The following CHEK2 variants were observed in gnomAD, a reference collection of about 807,000 sequenced individuals.
CHEK2 encodes checkpoint kinase 2, also known as serine/threonine-protein kinase Chk2.
A neutral mutation model predicts 69.1 loss-of-function variants in CHEK2; 71 were observed. The ratio of observed to expected loss-of-function variants is 1.03; its 90% confidence interval spans 0.85 to 1.25. The LOEUF is 1.25. Ranked by LOEUF, CHEK2 falls within the 50% of genes most tolerant of loss-of-function variation. CHEK2 has a pLI of 0.00. For synonymous variants in CHEK2, 189 were observed against 226.9 expected (o/e 0.83, Z 1.50); for missense variants, 664 against 649.6 (o/e 1.02, Z -0.24).
intron 2 of CHEK2, among the ~76,000 whole-genome samples, chr22:28,726,071 G>A (rs1208354959): frequency 6.6e-6 from 1 of 152,046 alleles, no homozygotes; most frequent in Admixed American, 6.6e-5. Context: ...GGGCGTGGTG[G>A]CGGGTGCCTG....
chr22:28,716,404 C>G (rs2053589696), intron 5 of CHEK2, among the ~76,000 whole-genome samples: 1 of 151,914 alleles, frequency 6.6e-6, no homozygotes, highest in Admixed American at 6.6e-5. Context: ...ACCATGTTGG[C>G]CAGGCTGGTC....
At position 28,696,908 on chromosome 22, in the gene CHEK2, A is replaced by G; in HGVS notation, c.1088T>C (p.Leu363Pro). The change falls in exon 10 of 15, where the codon CTT (leucine) becomes CCT (proline). Residue 363 changes from leucine (L) to proline (P), a missense_variant. Coordinates refer to ENST00000404276, the MANE Select transcript of CHEK2 (RefSeq NM_007194.4). ...AGAATGCCAATTTCTTACCTTTATA[A>G]GACAGTCCTCTTCTTGAGATGACAG... Reference protein sequence around the residue: ...VLLSSQEEDCLIKITDFGHSK... With the variant: ...VLLSSQEEDCPIKITDFGHSK... 6.2e-7 allele frequency: 1 copy of G among 1,607,146 alleles called. No individual in the cohort carries two copies. The highest frequency in any genetic ancestry group is 8.5e-7 in the Non-Finnish European group (1 of 1,173,668).
chr22:28,730,661 C>A, intron 2 of CHEK2: 3 of 449,520 alleles, frequency 6.7e-6, no homozygotes, highest in Non-Finnish European at 1.2e-5. Context: ...AGTTCGAGAC[C>A]AGCCTGGCCA....
chr22:28,721,865 G>A (rs1261442943), intron 4 of CHEK2, among the ~76,000 whole-genome samples: 4 of 151,674 alleles, frequency 2.6e-5, no homozygotes, highest in Non-Finnish European at 4.4e-5. Flanking sequence ...CAAGTAGCTG[G>A]GACTACAGGA....
At chr22:28,697,305 GT>G (rs1569117001) in intron 9 of CHEK2, among the ~76,000 whole-genome samples, 1 of 152,088 alleles carries the variant, frequency 6.6e-6, no homozygotes, top group African/African-American at 2.4e-5. Context: ...AACAGAAAAT[GT>G]TTTGAGAACA....
intron 9 of CHEK2, among the ~76,000 whole-genome samples, chr22:28,698,306 A>T (rs1361471465): frequency 1.3e-5 from 2 of 150,878 alleles, no homozygotes; most frequent in East Asian, 3.9e-4. Flanking sequence ...CTGAGGCAGG[A>T]GAATCACTTG....
chr22:28,708,401 G>GTC (rs1174086150), intron 7 of CHEK2, among the ~76,000 whole-genome samples: 13 of 150,010 alleles, frequency 8.7e-5, no homozygotes, highest in Admixed American at 2.0e-4. Flanking sequence ...GTGTGTGTGT[G>GTC]TTAAAGAGAG....
At chr22:28,704,159 CACA>C (rs2053013692) in intron 7 of CHEK2, among the ~76,000 whole-genome samples, 2 of 141,486 alleles carry the variant, frequency 1.4e-5, no homozygotes, top group South Asian at 2.3e-4. Flanking sequence ...CACACACACA[CACA>C]CCTATGGCTG....
In CHEK2 at chr22:28,689,201, C is replaced by T. The variant is rs898342452; in HGVS notation, c.1476G>A (p.Lys492=). The change falls in exon 14 of 15, where the codon AAG becomes AAA. Residue 492 remains lysine, a synonymous_variant. Transcript: ENST00000404276. ...RHPWLQDEDM[K]RKFQDLLSEE... is the part of the protein sequence containing the mutation. The stretch of plus-strand genomic sequence containing the variant: ...CAGACAGAAGATCTTGAAACTTTCT[C>T]TTCATGTCTTCATCCTGTGAGGGAA... 1.3e-6 allele frequency: 2 copies of T among 1,582,220 alleles called. No individual in the cohort carries two copies. The highest frequency in any genetic ancestry group is 2.7e-5 in the African/African-American group (2 of 74,516).
At chr22:28,734,209 A>G (rs955064578) in intron 2 of CHEK2, among the ~76,000 whole-genome samples, 194 bp downstream of exon 2, 1 of 152,184 alleles carries the variant, frequency 6.6e-6, no homozygotes, top group Non-Finnish European at 1.5e-5. Context: ...ATCCTGTGAC[A>G]TGTACTTTAG....
At chr22:28,702,127 GTGTGTGTC>G (rs1403592628) in intron 8 of CHEK2, among the ~76,000 whole-genome samples, 1 of 105,334 alleles carries the variant, frequency 9.5e-6, no homozygotes, top group African/African-American at 3.8e-5. Flanking sequence ...AATTTTGTGT[GTGTGTGTC>G]TGTGTGTGTG....
chr22:28,735,755 G>A (rs951448052), intron 1 of CHEK2, among the ~76,000 whole-genome samples: 10 of 151,278 alleles, frequency 6.6e-5, no homozygotes, highest in East Asian at 2.0e-4. Context: ...GGTGGCAGGC[G>A]CCTGTAGTTC....
chr22:28,723,601 G>GAAAA lies in CHEK2; in HGVS notation c.592+1372_592+1375dup, dbSNP rs377197157. On this transcript the variant is annotated intron_variant, in intron 4 of 14. Coordinates refer to ENST00000404276, the MANE Select transcript of CHEK2 (RefSeq NM_007194.4). ...CGACAGAGCAAGGCTCCGTCACAAG[G>GAAAA]AAAAAAAAAGAAAAAAAAAAAAAAG... 1.0e-4 allele frequency among the ~76,000 whole-genome samples: 5 copies of GAAAA among 48,878 alleles called. 1 individual carries two copies. The highest frequency in any genetic ancestry group is 1.2e-3 in the South Asian group (1 of 852). 32.1% of individuals were successfully genotyped at this position (48,878 alleles called of 152,430 possible). A position where few individuals can be genotyped will look rare whatever the true frequency, so the allele number is the denominator to read the frequency against.
rs1339258716 is a variant in CHEK2 at position 28,740,882 on chromosome 22, G to A, written c.-7+887C>T. Among the ~76,000 whole-genome samples the A allele has an allele frequency of 2.6e-5, 4 of 152,024 alleles. No homozygotes were observed. In the East Asian group the frequency reaches 5.8e-4, roughly 22 times the overall value. On this transcript the variant is annotated intron_variant, in intron 1 of 14. Coordinates refer to ENST00000404276, the MANE Select transcript of CHEK2 (RefSeq NM_007194.4). ...TCAAAAAATTGAAAATAGGCCGGGC[G>A]CGGTGGCTCACACCTGTAATCCCAG...
At chr22:28,688,983 G>A in intron 14 of CHEK2, 152 bp downstream of exon 14, 1 of 652,792 alleles carries the variant, frequency 1.5e-6, no homozygotes, top group Non-Finnish European at 2.8e-6. Flanking sequence ...TAAGGGTGCT[G>A]GAGCGAATCA....
intron 1 of CHEK2, among the ~76,000 whole-genome samples, chr22:28,738,364 C>T (rs1176285331): frequency 1.3e-5 from 2 of 152,160 alleles, no homozygotes; most frequent in African/African-American, 4.8e-5. Context: ...GACAGGACAA[C>T]TGGAGAAAAT....
chr22:28,704,644 T>C (rs1259565726), intron 7 of CHEK2, among the ~76,000 whole-genome samples: 2 of 152,162 alleles, frequency 1.3e-5, no homozygotes, highest in African/African-American at 4.8e-5. Context: ...GCACACCTAT[T>C]GTTTTTACGA....
intron 13 of CHEK2, among the ~76,000 whole-genome samples, chr22:28,691,299 G>A (rs1168970480): frequency 6.6e-6 from 1 of 152,092 alleles, no homozygotes; most frequent in East Asian, 1.9e-4. Flanking sequence ...GACCAACATG[G>A]TGAAACCCCA....
intron 7 of CHEK2, chr22:28,709,046 C>A: frequency 2.8e-6 from 1 of 362,016 alleles, no homozygotes; most frequent in Non-Finnish European, 5.5e-6. Flanking sequence ...GAGTTTAATG[C>A]CATTGCCTAA....
Sources: allele counts gnomAD v4.1 joint callset (sites outside exome capture counted in the v4.1 genomes callset), GRCh38; gene constraint gnomAD v4.1.1; transcripts MANE v1.5; gene names NCBI Gene and HGNC (gene_info 2026-07-23, HGNC 2026-07-21).